The following EDNRA variants were observed in gnomAD, a reference collection of about 807,000 sequenced individuals.
EDNRA encodes endothelin-1 receptor.
Under a neutral mutation model 41.4 loss-of-function variants are expected in EDNRA, and 11 were observed. The ratio of observed to expected loss-of-function variants is 0.27; its 90% confidence interval spans 0.17 to 0.44. EDNRA has a LOEUF of 0.44. EDNRA is among the 20% of genes least tolerant of loss of function. The pLI is 1.00. For synonymous variants in EDNRA, 172 were observed against 183.0 expected (o/e 0.94, Z 0.49); for missense variants, 294 against 531.0 (o/e 0.55, Z 4.39).
In EDNRA at chr4:147,543,426, G is replaced by A. The variant is rs201358413; in HGVS notation, c.*808G>A. On this transcript the variant is annotated 3_prime_UTR_variant, in exon 8 of 8. Transcript: ENST00000651419. ...CATGTTTTGTATGTTAAATTCAAAA[G>A]TAATGCTTCAATCAGATAGTTCTTT... 4 of 152,166 alleles carry A rather than the reference G, an allele frequency of 2.6e-5. No individual in the cohort carries two copies. Among genetic ancestry groups the A allele is most frequent in the African/African-American group, 7.2e-5 (3 of 41,444 alleles). The allele number at this position is 152,166 out of a possible 1,614,324, so 9.4% of individuals were successfully genotyped here. A position where few individuals can be genotyped will look rare whatever the true frequency, so the allele number is the denominator to read the frequency against.
Position 147,542,776 on chromosome 4 carries a change from T to C in EDNRA, c.*158T>C. 1.2e-6 allele frequency: 1 copy of C among 842,664 alleles called. No individual in the cohort carries two copies. The highest frequency in any genetic ancestry group is 1.8e-6 in the Non-Finnish European group (1 of 564,588). The allele number at this position is 842,664 out of a possible 1,614,324, so 52.2% of individuals were successfully genotyped here. A position where few individuals can be genotyped will look rare whatever the true frequency, so the allele number is the denominator to read the frequency against. On this transcript the variant is annotated 3_prime_UTR_variant, in exon 8 of 8. Transcript: ENST00000651419. The stretch of plus-strand genomic sequence containing the variant: ...TTCCAAAACCGCAAGGGTAGACTGG[T>C]TTATCCACCCACAACATCTACGAAT...
At chr4:147,539,528 G>A (rs546084324) in intron 5 of EDNRA, among the ~76,000 whole-genome samples, 2 of 151,950 alleles carry the variant, frequency 1.3e-5, no homozygotes, top group South Asian at 4.2e-4. Context: ...CTCACCTCCA[G>A]CCAGTTTCCA....
intron 2 of EDNRA, among the ~76,000 whole-genome samples, chr4:147,504,710 T>C (rs1177071808): frequency 6.6e-6 from 1 of 151,872 alleles, no homozygotes; most frequent in Non-Finnish European, 1.5e-5. Context: ...TCCCAGCACT[T>C]TGGGAGGCCA....
chr4:147,502,361 T>C (rs1005383153), intron 2 of EDNRA, among the ~76,000 whole-genome samples: 24 of 152,196 alleles, frequency 1.6e-4, no homozygotes, highest in Non-Finnish European at 1.5e-5. Context: ...GTCAAATATA[T>C]AAACTCTAAT....
intron 5 of EDNRA, among the ~76,000 whole-genome samples, chr4:147,537,756 G>A (rs1406947940): frequency 7.9e-6 from 1 of 127,310 alleles, no homozygotes; most frequent in African/African-American, 3.4e-5. Context: ...TTATACAGGT[G>A]ATTTAGAGGT....
chr4:147,485,506 T>A, intron 1 of EDNRA, 106 bp from the exon 2 acceptor site: 1 of 763,786 alleles, frequency 1.3e-6, no homozygotes, highest in South Asian at 1.9e-5. Context: ...TCTTATCTAA[T>A]CACCAAATAT....
intron 2 of EDNRA, among the ~76,000 whole-genome samples, chr4:147,503,453 T>A (rs1031089884): frequency 6.6e-6 from 1 of 152,078 alleles, no homozygotes; most frequent in South Asian, 2.1e-4. Flanking sequence ...GATCCTTTAG[T>A]TCCCATGTGT....
At chr4:147,503,771 G>T (rs1201680543) in intron 2 of EDNRA, among the ~76,000 whole-genome samples, 1 of 151,900 alleles carries the variant, frequency 6.6e-6, no homozygotes, top group Non-Finnish European at 1.5e-5. Context: ...TTTGTTCTCA[G>T]CACCCCTTTA....
In EDNRA at chr4:147,519,282, G is replaced by C. The variant is rs942747329; in HGVS notation, c.421-569G>C. 3.9e-5 allele frequency among the ~76,000 whole-genome samples: 6 copies of C among 152,066 alleles called. No homozygotes were observed. Among genetic ancestry groups the C allele is most frequent in the Admixed American group, 3.9e-4 (6 of 15,264 alleles). On this transcript the variant is annotated intron_variant, in intron 2 of 7. Coordinates refer to ENST00000651419, the MANE Select transcript of EDNRA (RefSeq NM_001957.4). The surrounding 1 kb of genome is among the most constrained non-coding windows in gnomAD (Gnocchi z 4.1). ...AAATTAGTAGCTTCTACACCACTTTGTTTTTTTCCAGTATTCTCCCTAACC... is the reference window on the plus strand; with the variant it reads ...AAATTAGTAGCTTCTACACCACTTTCTTTTTTTCCAGTATTCTCCCTAACC...
intron 2 of EDNRA, among the ~76,000 whole-genome samples, chr4:147,503,995 G>A (rs938572504): frequency 6.6e-6 from 1 of 151,872 alleles, no homozygotes; most frequent in Non-Finnish European, 1.5e-5. Flanking sequence ...CGAAAAAATG[G>A]CATTGTTTTA....
In EDNRA at chr4:147,485,652, T is replaced by A. The variant is rs772446707; in HGVS notation, c.-30T>A. 10 of 1,551,066 alleles carry A rather than the reference T, an allele frequency of 6.4e-6. No homozygotes were observed. The highest frequency in any genetic ancestry group is 8.7e-6 in the Non-Finnish European group (10 of 1,149,418). The stretch of plus-strand genomic sequence containing the variant: ...AGGTGTAAAAGCAGCACAAGTGCAA[T>A]AAGAGATATTTCCTCAAATTTGCCT... On this transcript the variant is annotated 5_prime_UTR_variant, in exon 2 of 8. Transcript: ENST00000651419.
intron 2 of EDNRA, among the ~76,000 whole-genome samples, chr4:147,499,374 T>C (rs1329432107): frequency 6.6e-6 from 1 of 152,118 alleles, no homozygotes; most frequent in Non-Finnish European, 1.5e-5. Context: ...TTATTTTGTA[T>C]TTGAAAAAAA....
chr4:147,511,338 G>A (rs184110141), intron 2 of EDNRA, among the ~76,000 whole-genome samples: 3 of 152,242 alleles, frequency 2.0e-5, no homozygotes, highest in East Asian at 1.9e-4. Flanking sequence ...ATGAATTTCT[G>A]TTGTTAAATA....
intron 7 of EDNRA, 43 bp from the exon 8 acceptor site, chr4:147,542,435 G>T: frequency 6.2e-7 from 1 of 1,612,724 alleles, no homozygotes; most frequent in East Asian, 2.2e-5. Context: ...GCCGGGAATG[G>T]GCTGGTAGGC....
chr4:147,514,341 G>A (rs940472506), intron 2 of EDNRA, among the ~76,000 whole-genome samples: 1 of 152,152 alleles, frequency 6.6e-6, no homozygotes, highest in African/African-American at 2.4e-5. Flanking sequence ...AAGCTGGTGA[G>A]GCCTGGGGCA....
chr4:147,495,732 A>C (rs1286054621), intron 2 of EDNRA: 1 of 152,226 alleles, frequency 6.6e-6, no homozygotes, highest in African/African-American at 2.4e-5. Context: ...GATACAGAAG[A>C]ATGAATGTCT....
intron 2 of EDNRA, among the ~76,000 whole-genome samples, chr4:147,511,580 C>A (rs1320992359): frequency 6.6e-6 from 1 of 152,190 alleles, no homozygotes; most frequent in Non-Finnish European, 1.5e-5. Flanking sequence ...ATCATTAAAT[C>A]AGCTGCATAC....
chr4:147,531,001 G>T (rs1417381040), intron 3 of EDNRA, among the ~76,000 whole-genome samples: 1 of 152,112 alleles, frequency 6.6e-6, no homozygotes. Flanking sequence ...CACGTCACAG[G>T]TCTCTTCTTA....
At chr4:147,525,695 C>A (rs1730515338) in intron 3 of EDNRA, among the ~76,000 whole-genome samples, 1 of 151,616 alleles carries the variant, frequency 6.6e-6, no homozygotes, top group Non-Finnish European at 1.5e-5. Flanking sequence ...GGGGTCAGAC[C>A]AGTAAAAAGG....
Sources: allele counts gnomAD v4.1 joint callset (sites outside exome capture counted in the v4.1 genomes callset), GRCh38; gene constraint gnomAD v4.1.1; non-coding constraint Gnocchi (gnomAD v3.1); transcripts MANE v1.5; gene names NCBI Gene and HGNC (gene_info 2026-07-23, HGNC 2026-07-21).